The following CIITA variants were observed in gnomAD, a reference collection of about 807,000 sequenced individuals.
CIITA encodes the protein MHC class II transactivator.
CIITA carries 72 observed loss-of-function variants against 115.1 expected under a neutral mutation model. The ratio of observed to expected loss-of-function variants is 0.63; its 90% confidence interval spans 0.52 to 0.76. The LOEUF (loss-of-function observed/expected upper bound fraction) is 0.76. CIITA is among the 30% of genes least tolerant of loss of function. The pLI is 0.00. For missense variants in CIITA, 1,617 were observed against 1,463.8 expected, an observed-to-expected ratio of 1.10 and a Z score of -1.71; for synonymous variants, 763 against 635.6, an observed-to-expected ratio of 1.20 and a Z score of -3.02.
At chr16:10,910,356 A>T in intron 13 of CIITA, 97 bp downstream of exon 13, 18 of 1,046,710 alleles carry the variant, frequency 1.7e-5, no homozygotes, top group South Asian at 2.7e-5. Context: ...GATCTCCAGA[A>T]TCATTCTTAC....
intron 16 of CIITA, among the ~76,000 whole-genome samples, chr16:10,921,466 C>T (rs1161112808): frequency 6.6e-6 from 1 of 152,194 alleles, no homozygotes; most frequent in Non-Finnish European, 1.5e-5. Flanking sequence ...GTGATGTAGT[C>T]AGAACCATAG....
chr16:10,906,203 T>C (rs1034291354), intron 10 of CIITA, among the ~76,000 whole-genome samples: 23 of 151,688 alleles, frequency 1.5e-4, no homozygotes, highest in African/African-American at 5.6e-4. Context: ...TACAAAAAAA[T>C]CAAAAAATTA....
chr16:10,916,890 T>C, intron 15 of CIITA: 1 of 323,406 alleles, frequency 3.1e-6, no homozygotes, highest in Non-Finnish European at 5.8e-6. Flanking sequence ...CAGGCACCTT[T>C]CTAGGCCCTG....
chr16:10,876,021 G>T (rs1263583138), upstream of CIITA, among the ~76,000 whole-genome samples: 1 of 152,030 alleles, frequency 6.6e-6, no homozygotes, highest in African/African-American at 2.4e-5. Flanking sequence ...ATAGTGGCAG[G>T]TGCCTGTAAT....
intron 1 of CIITA, among the ~76,000 whole-genome samples, chr16:10,886,761 G>A (rs547890244): frequency 1.3e-3 from 191 of 152,354 alleles, no homozygotes; most frequent in African/African-American, 4.2e-3. Context: ...TAAGCACTGT[G>A]CCAACAAAAT....
At chr16:10,894,480 A>G (rs1429576936) in intron 1 of CIITA, among the ~76,000 whole-genome samples, 1 of 152,146 alleles carries the variant, frequency 6.6e-6, no homozygotes, top group Non-Finnish European at 1.5e-5. Context: ...TTGTTTTATT[A>G]ATACATAATA....
At chr16:10,886,178 T>C (rs2036931560) in intron 1 of CIITA, among the ~76,000 whole-genome samples, 1 of 151,876 alleles carries the variant, frequency 6.6e-6, no homozygotes, top group Non-Finnish European at 1.5e-5. Context: ...CCTCAGGTGA[T>C]CCACCCGCCT....
chr16:10,910,230 T>C lies in CIITA; in HGVS notation c.2859T>C (p.Ala953=). ...AAGACACAGCTGGGGAGCTCCCTGC[T>C]GTTCGGGACCTAAAGAAACTGGAGT... ...SSEDTAGELP[A]VRDLKKLEFA... is the part of the protein sequence containing the mutation. Residue 953 remains alanine (A), a synonymous_variant, in exon 13 of 20, where the codon GCT becomes GCC. Transcript: ENST00000324288. The C allele has an allele frequency of 6.2e-7, 1 of 1,614,118 alleles. No individual in the cohort carries two copies. Among genetic ancestry groups the C allele is most frequent in the South Asian group, 1.1e-5 (1 of 91,052 alleles).
At chr16:10,915,882 T>G (rs896384715) in intron 14 of CIITA, among the ~76,000 whole-genome samples, 1 of 152,206 alleles carries the variant, frequency 6.6e-6, no homozygotes, top group Non-Finnish European at 1.5e-5. Context: ...GTCCCTTTTT[T>G]TCTCTCTTCC....
chr16:10,877,625 A>G (rs1464579104), intron 1 of CIITA, among the ~76,000 whole-genome samples: 2 of 152,180 alleles, frequency 1.3e-5, no homozygotes, highest in African/African-American at 4.8e-5. Flanking sequence ...GAAAGGTTCT[A>G]GAAGTCAGAC....
intron 1 of CIITA, chr16:10,866,389 G>A: frequency 1.8e-6 from 1 of 566,844 alleles, no homozygotes; most frequent in Non-Finnish European, 3.5e-6. Context: ...GCTGAAGGAG[G>A]ACCTCCTCTC....
chr16:10,916,564 G>C, intron 15 of CIITA, 105 bp downstream of exon 15: 1 of 957,076 alleles, frequency 1.0e-6, no homozygotes, highest in Non-Finnish European at 1.6e-6. Flanking sequence ...GGCTCGCTGT[G>C]TCACCCAGGC....
At position 10,901,720 on chromosome 16, in the gene CIITA, A is replaced by C. The variant is rs140385291; in HGVS notation, c.481+162A>C. 5.2e-6 allele frequency: 4 copies of C among 769,324 alleles called. No homozygotes were observed. The highest frequency in any genetic ancestry group is 5.2e-5 in the African/African-American group (3 of 57,812). 47.7% of individuals were successfully genotyped at this position (769,324 alleles called of 1,614,324 possible). On this transcript the variant is annotated intron_variant, in intron 6 of 19. Coordinates refer to ENST00000324288, the MANE Select transcript of CIITA (RefSeq NM_000246.4). This position sits in a 1 kb window ranked among gnomAD's most constrained non-coding sequence, Gnocchi z 6.8. ...AGCTTGGGGTCCCTTAGAGTCCTCT[A>C]AGGGGCTCACGACTGTTTGTGGAAG...
chr16:10,887,338 G>A (rs1046436595), intron 1 of CIITA, among the ~76,000 whole-genome samples: 21 of 152,140 alleles, frequency 1.4e-4, no homozygotes, highest in African/African-American at 4.6e-4. Context: ...TCCAACACTC[G>A]TTGAAACGGA....
downstream of CIITA, chr16:10,940,294 T>G (rs1036142183): frequency 2.6e-5 from 4 of 152,264 alleles, no homozygotes; most frequent in Non-Finnish European, 5.9e-5. This position sits in a 1 kb window ranked among gnomAD's most constrained non-coding sequence, Gnocchi z 4.2. Context: ...TGGGTGGGAT[T>G]AATGCCCTTA....
rs1376633739 is a variant in CIITA, at chr16:10,941,858, T to C, written n.984T>C. 5 of 1,612,714 alleles carry C rather than the reference T, an allele frequency of 3.1e-6. No homozygotes were observed. The highest frequency in any genetic ancestry group is 3.3e-5 in the Admixed American group (2 of 60,002). ...AAGACGAGGCCCACGTTGAGGACGA[T>C]GTACTCCATGAGGAAGGCGTAGTAC... On this transcript the variant is annotated non_coding_transcript_exon_variant, in exon 2 of 2. Transcript: ENST00000573379. The surrounding 1 kb of genome is among the most constrained non-coding windows in gnomAD (Gnocchi z 6.4).
chr16:10,896,360 C>T (rs2038122438), intron 3 of CIITA, among the ~76,000 whole-genome samples: 1 of 152,150 alleles, frequency 6.6e-6, no homozygotes, highest in African/African-American at 2.4e-5. Context: ...TCAAAGTCTC[C>T]ATTTTTAACC....
chr16:10,908,705 C>A, intron 11 of CIITA: 1 of 552,862 alleles, frequency 1.8e-6, no homozygotes, highest in Non-Finnish European at 3.2e-6. Context: ...TTGAGCATTT[C>A]AGCTTAATCG....
chr16:10,909,842 C>T (rs1310531242), intron 12 of CIITA, among the ~76,000 whole-genome samples: 1 of 152,178 alleles, frequency 6.6e-6, no homozygotes, highest in Non-Finnish European at 1.5e-5. Flanking sequence ...TCAAGCGATC[C>T]TCCTGCCTCA....
Sources: gnomAD v4.1 joint callset for allele counts (sites outside exome capture counted in the v4.1 genomes callset) on GRCh38, gnomAD v4.1.1 for gene constraint, Gnocchi (gnomAD v3.1) non-coding constraint, MANE v1.5 for transcripts, NCBI Gene and HGNC (gene_info 2026-07-23, HGNC 2026-07-21) for gene names.